NEO1: variants seen among roughly 807,000 people sequenced by gnomAD.
The protein encoded by NEO1 is neogenin 1.
In NEO1, 63 loss-of-function variants were observed where a neutral mutation model predicts 159.7. The ratio of observed to expected loss-of-function variants is 0.39; its 90% CI spans 0.32 to 0.49. The LOEUF is 0.49. Among genes scored for constraint, NEO1 ranks in the 20% least tolerant of loss-of-function variants. The pLI, the probability that NEO1 is intolerant of heterozygous loss-of-function variation, is 0.85. For missense variants in NEO1, 1,615 were observed against 1,831.0 expected (o/e 0.88, Z 2.15); for synonymous variants, 633 against 662.0 (o/e 0.96, Z 0.67).
intron 16 of NEO1, among the ~76,000 whole-genome samples, chr15:73,268,821 G>C (rs2151026404): frequency 6.6e-6 from 1 of 152,286 alleles, no homozygotes; most frequent in African/African-American, 2.4e-5. Flanking sequence ...GAAGGTGTCT[G>C]TTGTATATGG....
chr15:73,136,044 T>C lies in NEO1; in HGVS notation c.1015+17T>C, dbSNP rs1407616473. 8.2e-6 allele frequency: 13 copies of C among 1,576,398 alleles called. No individual in the cohort carries two copies. The highest frequency in any genetic ancestry group is 1.0e-5 in the Non-Finnish European group (12 of 1,166,738). On this transcript the variant is annotated intron_variant, in intron 5 of 28. Transcript: ENST00000261908. ...CAGTGCAAGGTATGTAAATATTTAC[T>C]GTATAATTTAAAAATCCTGTGTACT...
intron 1 of NEO1, among the ~76,000 whole-genome samples, chr15:73,110,290 T>TAAGAAAA (rs1208294949): frequency 1.3e-5 from 2 of 152,154 alleles, no homozygotes; most frequent in African/African-American, 4.8e-5. Context: ...AAGTGATACT[T>TAAGAAAA]TTCTTACAAT....
intron 5 of NEO1, among the ~76,000 whole-genome samples, chr15:73,156,159 G>A (rs766109604): frequency 1.3e-5 from 2 of 152,160 alleles, no homozygotes; most frequent in South Asian, 4.1e-4. Flanking sequence ...ATTGGATAGG[G>A]CGTTTTGGCT....
At position 73,052,556 on chromosome 15, in the gene NEO1, A is replaced by G; in HGVS notation, c.-120A>G. ...GCCGGGCCGGGCCGGGCTGGGCTGG[A>G]GCAGCGGCGGCCGCGGGAGCCGAGC... On this transcript the variant is annotated 5_prime_UTR_variant, in exon 1 of 29. Coordinates refer to ENST00000261908, the MANE Select transcript of NEO1 (RefSeq NM_002499.4). 2 of 493,602 alleles carry G rather than the reference A, an allele frequency of 4.1e-6. No individual in the cohort carries two copies. The highest frequency in any genetic ancestry group is 7.3e-5 in the South Asian group (1 of 13,688). The allele number at this position is 493,602 out of a possible 1,614,324, so 30.6% of individuals were successfully genotyped here. A position where few individuals can be genotyped will look rare whatever the true frequency, so the allele number is the denominator to read the frequency against.
At chr15:73,259,426 C>T (rs1414185882) in intron 14 of NEO1, among the ~76,000 whole-genome samples, 1 of 143,336 alleles carries the variant, frequency 7.0e-6, no homozygotes, top group Non-Finnish European at 1.5e-5. Flanking sequence ...GGAGTGCAGT[C>T]ATGGTTCACT....
At chr15:73,295,422 C>T (rs1027588277) in intron 26 of NEO1, among the ~76,000 whole-genome samples, 1 of 151,524 alleles carries the variant, frequency 6.6e-6, no homozygotes, top group Non-Finnish European at 1.5e-5. Context: ...TGGCAGGCAC[C>T]TTCCAATCAA....
chr15:73,066,522 T>G (rs1352994536), intron 1 of NEO1, among the ~76,000 whole-genome samples: 1 of 152,082 alleles, frequency 6.6e-6, no homozygotes, highest in Non-Finnish European at 1.5e-5. Context: ...TATGAAAAAT[T>G]ATCGAGATAA....
At chr15:73,230,682 C>T (rs1272079566) in intron 7 of NEO1, among the ~76,000 whole-genome samples, 1 of 152,160 alleles carries the variant, frequency 6.6e-6, no homozygotes, top group African/African-American at 2.4e-5. Context: ...CCTCAACCTC[C>T]TGCATTCAAG....
intron 7 of NEO1, among the ~76,000 whole-genome samples, chr15:73,199,773 C>T (rs1265072440): frequency 6.6e-6 from 1 of 152,116 alleles, no homozygotes; most frequent in Non-Finnish European, 1.5e-5. Flanking sequence ...CTGGTAAGAG[C>T]CTGTTTACCA....
intron 15 of NEO1, among the ~76,000 whole-genome samples, chr15:73,264,101 C>T (rs1367630051): frequency 6.6e-6 from 1 of 151,986 alleles, no homozygotes; most frequent in African/African-American, 2.4e-5. Context: ...ATAGGAGGAT[C>T]GCTTGATCCC....
chr15:73,278,185 A>T lies in NEO1; in HGVS notation c.3248A>T (p.Lys1083Ile). Residue 1083 changes from lysine to isoleucine, a missense_variant, in exon 22 of 29, where the codon AAA becomes ATA. Transcript: ENST00000261908. ...SRLPDLGSDYKPPMSGSNSPH... is the reference protein window; with the variant it reads ...SRLPDLGSDYIPPMSGSNSPH... The stretch of plus-strand genomic sequence containing the variant: ...CTGCCAGACCTAGGATCCGACTACA[A>T]ACCTCCAATGAGCGGTAAAGCCTTT... 4 of 1,613,148 alleles carry T rather than the reference A, an allele frequency of 2.5e-6. No homozygotes were observed. The highest frequency in any genetic ancestry group is 3.4e-6 in the Non-Finnish European group (4 of 1,179,210).
chr15:73,249,320 G>A, intron 10 of NEO1, 112 bp downstream of exon 10: 1 of 1,248,780 alleles, frequency 8.0e-7, no homozygotes, highest in Admixed American at 2.4e-5. Flanking sequence ...AAGAAACATA[G>A]GAAATGAAAA....
At chr15:73,125,736 A>G (rs1332278321) in intron 3 of NEO1, among the ~76,000 whole-genome samples, 1 of 152,220 alleles carries the variant, frequency 6.6e-6, no homozygotes, top group East Asian at 1.9e-4. Context: ...CATTAATTCT[A>G]ATGTCTGAAT....
At chr15:73,206,589 TTTG>T (rs539788662) in intron 7 of NEO1, among the ~76,000 whole-genome samples, 26 of 152,176 alleles carry the variant, frequency 1.7e-4, no homozygotes, top group Non-Finnish European at 2.6e-4. Flanking sequence ...ATAGTTTGTT[TTTG>T]TTGTTGTTGT....
intron 7 of NEO1, among the ~76,000 whole-genome samples, chr15:73,223,210 A>G (rs928062911): frequency 2.6e-5 from 4 of 152,222 alleles, no homozygotes; most frequent in African/African-American, 7.2e-5. Flanking sequence ...TTTATGGCCT[A>G]TCATGGAGAA....
intron 7 of NEO1, among the ~76,000 whole-genome samples, chr15:73,201,770 G>A (rs1222899140): frequency 2.0e-5 from 3 of 151,970 alleles, no homozygotes; most frequent in East Asian, 3.9e-4. Flanking sequence ...GTTTAGGATT[G>A]TTATGTCTTC....
intron 16 of NEO1, among the ~76,000 whole-genome samples, chr15:73,269,519 C>G (rs1207637665): frequency 6.6e-6 from 1 of 152,118 alleles, no homozygotes; most frequent in East Asian, 1.9e-4. Flanking sequence ...TGCCACCATG[C>G]CCAGCTAATT....
At chr15:73,130,979 A>G (rs1175491008) in intron 4 of NEO1, among the ~76,000 whole-genome samples, 1 of 151,916 alleles carries the variant, frequency 6.6e-6, no homozygotes, top group African/African-American at 2.4e-5. Flanking sequence ...CAATGAGGAA[A>G]CCCCTCCCCA....
At position 73,205,976 on chromosome 15, in the gene NEO1, C is replaced by T. The variant is rs145144114; in HGVS notation, c.1291+27549C>T. 9.8e-3 allele frequency among the ~76,000 whole-genome samples: 1,490 copies of T among 152,032 alleles called. 22 individuals are homozygous for T. The highest frequency in any genetic ancestry group is 0.034 in the African/African-American group (1,394 of 41,436). The stretch of plus-strand genomic sequence containing the variant: ...AAGCTGGAGTGCAGTGGTGCGATCT[C>T]GGCTCACTGCAACCCCTGCCTCCCA... On this transcript the variant is annotated intron_variant, in intron 7 of 28. Coordinates refer to ENST00000261908, the MANE Select transcript of NEO1 (RefSeq NM_002499.4).
Sources: allele counts gnomAD v4.1 joint callset (sites outside exome capture counted in the v4.1 genomes callset), GRCh38; gene constraint gnomAD v4.1.1; transcripts MANE v1.5; gene names NCBI Gene and HGNC (gene_info 2026-07-23, HGNC 2026-07-21).